NTRK3: variants seen among roughly 807,000 people sequenced by gnomAD.
The protein encoded by NTRK3 is neurotrophic receptor tyrosine kinase 3.
A neutral mutation model predicts 91.7 loss-of-function variants in NTRK3; 24 were observed. That is an observed-to-expected ratio of 0.26 (90% CI 0.19 to 0.37). The LOEUF is 0.37. NTRK3 is among the 10% of genes least tolerant of loss of function. The probability of loss-of-function intolerance (pLI) is 1.00; values close to 1 mark genes in which losing one functional copy is unlikely to be tolerated. For missense variants in NTRK3, 880 were observed against 1,068.9 expected, an observed-to-expected ratio of 0.82 and a Z score of 2.46; for synonymous variants, 483 against 404.0, an observed-to-expected ratio of 1.20 and a Z score of -2.34.
At chr15:87,949,360 G>A (rs1471924636) in intron 14 of NTRK3, among the ~76,000 whole-genome samples, 8 of 151,982 alleles carry the variant, frequency 5.3e-5, no homozygotes, top group South Asian at 2.1e-4. Flanking sequence ...AAGTGCCTCC[G>A]TGGTCAGCTC....
chr15:87,965,221 G>C (rs1455830287), intron 14 of NTRK3, among the ~76,000 whole-genome samples: 1 of 152,188 alleles, frequency 6.6e-6, no homozygotes, highest in African/African-American at 2.4e-5. Flanking sequence ...TTATGTGTTT[G>C]TGTGCTTTTC....
chr15:88,088,043 C>T (rs556624980), intron 13 of NTRK3, among the ~76,000 whole-genome samples: 3,980 of 152,190 alleles, frequency 0.026, 160 homozygotes, highest in African/African-American at 0.085. Context: ...ACAGCAAGTT[C>T]CCACCTTAAA....
intron 17 of NTRK3, among the ~76,000 whole-genome samples, chr15:87,905,367 C>T (rs560120684): frequency 6.6e-6 from 1 of 152,280 alleles, no homozygotes; most frequent in Admixed American, 6.5e-5. Flanking sequence ...TGTAGCAGGT[C>T]TCTCTTCCGC....
At chr15:88,045,751 T>C (rs1313536224) in intron 13 of NTRK3, among the ~76,000 whole-genome samples, 2 of 152,228 alleles carry the variant, frequency 1.3e-5, no homozygotes, top group Admixed American at 6.5e-5. Context: ...TCCTTGTCAT[T>C]CCTTGGCATG....
intron 13 of NTRK3, among the ~76,000 whole-genome samples, chr15:88,055,787 A>G (rs964151925): frequency 1.3e-5 from 2 of 152,194 alleles, no homozygotes; most frequent in Non-Finnish European, 2.9e-5. Flanking sequence ...TAGACTGGGA[A>G]AGGAGGCATT....
chr15:88,168,808 T>A (rs987493026), intron 5 of NTRK3, among the ~76,000 whole-genome samples: 1 of 152,136 alleles, frequency 6.6e-6, no homozygotes, highest in African/African-American at 2.4e-5. Context: ...ACCAGCACAG[T>A]ATGGACTCAG....
intron 14 of NTRK3, among the ~76,000 whole-genome samples, chr15:87,998,892 G>A (rs894372568): frequency 1.3e-5 from 2 of 152,178 alleles, no homozygotes; most frequent in Admixed American, 6.5e-5. Context: ...TGCCTTGCTG[G>A]TAGGGAGTGT....
intron 14 of NTRK3, among the ~76,000 whole-genome samples, chr15:88,021,899 A>T (rs2077623401): frequency 6.6e-6 from 1 of 152,154 alleles, no homozygotes; most frequent in Non-Finnish European, 1.5e-5. Context: ...GACCACCATC[A>T]ACTACCGAGA....
intron 14 of NTRK3, among the ~76,000 whole-genome samples, chr15:88,014,511 G>C (rs1300372447): frequency 6.6e-6 from 1 of 152,172 alleles, no homozygotes; most frequent in South Asian, 2.1e-4. Context: ...GAATTAAAGA[G>C]CAGGAAAGGA....
intron 13 of NTRK3, among the ~76,000 whole-genome samples, chr15:88,104,875 C>A (rs897644391): frequency 5.3e-5 from 8 of 152,172 alleles, no homozygotes; most frequent in Non-Finnish European, 1.2e-4. Context: ...TTCTCTACTG[C>A]CCTGTCCTTT....
chr15:88,020,670 G>A lies in NTRK3; in HGVS notation c.1585+12187C>T, dbSNP rs557057915. On this transcript the variant is annotated intron_variant, in intron 14 of 18. Transcript: ENST00000394480. The stretch of plus-strand genomic sequence containing the variant: ...ATCTCAAAAGATACCTGCCAAGGTG[G>A]TCACCTTTTCTTATCTCAAATTTAG... Among the ~76,000 whole-genome samples the A allele has an allele frequency of 2.2e-3, 339 of 152,234 alleles. 1 individual carries two copies. Among genetic ancestry groups the A allele is most frequent in the African/African-American group, 6.8e-3 (283 of 41,532 alleles).
rs934215812 is a variant in NTRK3 at position 88,183,636 on chromosome 15, G to A, written c.324-147C>T. On this transcript the variant is annotated intron_variant, in intron 4 of 18. Transcript: ENST00000394480. ...ACCTCTTCATTGCCAGTTATCACAG[G>A]TGGCCTGCTGGGGTTGCTCAGTGGA... 1.1e-5 allele frequency: 9 copies of A among 807,404 alleles called. No homozygotes were observed. In the South Asian group the frequency reaches 1.3e-4, roughly 11 times the overall value. 50.0% of individuals were successfully genotyped at this position (807,404 alleles called of 1,614,324 possible).
At chr15:87,979,950 T>A (rs905645834) in intron 14 of NTRK3, among the ~76,000 whole-genome samples, 2 of 152,162 alleles carry the variant, frequency 1.3e-5, no homozygotes, top group African/African-American at 4.8e-5. Context: ...GAGCTAAAAT[T>A]ACACAGACCA....
exon 19 of NTRK3, chr15:87,873,680 C>T (rs1371576580): frequency 4.3e-6 from 1 of 231,900 alleles, no homozygotes; most frequent in Admixed American, 5.6e-5. Context: ...CATTTCACAA[C>T]ACATTTCATC....
chr15:87,915,225 A>C (rs1039128623), intron 17 of NTRK3, among the ~76,000 whole-genome samples: 2 of 152,242 alleles, frequency 1.3e-5, no homozygotes, highest in African/African-American at 4.8e-5. Context: ...GCATAATAAT[A>C]AGCAGTAACC....
chr15:88,128,621 G>A, intron 11 of NTRK3, 90 bp downstream of exon 11: 1 of 1,355,416 alleles, frequency 7.4e-7, no homozygotes, highest in Non-Finnish European at 1.1e-6. Context: ...CAGGGATGAT[G>A]TGGAATAGGA....
chr15:87,979,095 G>T (rs955607201), intron 14 of NTRK3: 7 of 587,482 alleles, frequency 1.2e-5, no homozygotes, highest in African/African-American at 1.1e-4. Context: ...TAAAGATAGT[G>T]GCAGGAGCTG....
intron 5 of NTRK3, among the ~76,000 whole-genome samples, chr15:88,183,026 C>T (rs946624320): frequency 6.8e-6 from 1 of 148,000 alleles, no homozygotes; most frequent in Non-Finnish European, 1.5e-5. Flanking sequence ...CCCCCCGCCC[C>T]CCGCCAGTCC....
intron 13 of NTRK3, among the ~76,000 whole-genome samples, chr15:88,110,920 C>T (rs977818656): frequency 1.3e-5 from 2 of 152,032 alleles, no homozygotes; most frequent in African/African-American, 4.8e-5. Context: ...GTGGGAGGAG[C>T]CCAGATGGAA....
Sources: gnomAD v4.1 joint callset for allele counts (sites outside exome capture counted in the v4.1 genomes callset) on GRCh38, gnomAD v4.1.1 for gene constraint, MANE v1.5 for transcripts, NCBI Gene and HGNC (gene_info 2026-07-23, HGNC 2026-07-21) for gene names.